Variants in IQCB1 observed in about 807,000 individuals in gnomAD.
The protein encoded by IQCB1 is IQ motif containing B1.
IQCB1 carries 56 observed loss-of-function variants against 84.4 expected under a neutral mutation model. The ratio of observed to expected loss-of-function variants is 0.66; its 90% CI spans 0.54 to 0.83. IQCB1 has a LOEUF of 0.83. IQCB1 is among the 40% of genes least tolerant of loss of function. IQCB1 has a pLI of 0.00. For synonymous variants in IQCB1, 210 were observed against 234.8 expected, an observed-to-expected ratio of 0.89 and a Z score of 0.96; for missense variants, 629 against 682.1, an observed-to-expected ratio of 0.92 and a Z score of 0.87.
chr3:121,815,512 C>A (rs968980557), intron 5 of IQCB1, among the ~76,000 whole-genome samples: 1 of 152,146 alleles, frequency 6.6e-6, no homozygotes, highest in African/African-American at 2.4e-5. Flanking sequence ...AAAACCCCAT[C>A]GTCTCAGCCC....
chr3:121,807,556 G>A (rs1949652029), intron 6 of IQCB1, 113 bp from the exon 7 acceptor site: 2 of 634,506 alleles, frequency 3.2e-6, no homozygotes, highest in Admixed American at 5.2e-5. Context: ...TAAACTTTCT[G>A]ACTTTGTAGA....
intron 5 of IQCB1, among the ~76,000 whole-genome samples, chr3:121,825,664 T>C (rs540039233): frequency 1.6e-4 from 24 of 152,342 alleles, no homozygotes; most frequent in Admixed American, 6.5e-4. Context: ...CTGGAGAAGA[T>C]ATGAGAGATC....
intron 5 of IQCB1, among the ~76,000 whole-genome samples, chr3:121,809,292 T>C (rs1049547504): frequency 1.3e-5 from 2 of 152,016 alleles, no homozygotes; most frequent in East Asian, 1.9e-4. Flanking sequence ...ATACTTGCTA[T>C]GCATCAGAAT....
chr3:121,817,475 C>T (rs1950113765), intron 5 of IQCB1, among the ~76,000 whole-genome samples: 1 of 151,930 alleles, frequency 6.6e-6, no homozygotes, highest in African/African-American at 2.4e-5. Flanking sequence ...AACAGTATTT[C>T]TTATACTCAA....
At chr3:121,801,939 A>G (rs1949424593) in intron 7 of IQCB1, among the ~76,000 whole-genome samples, 2 of 151,386 alleles carry the variant, frequency 1.3e-5, no homozygotes, top group South Asian at 4.2e-4. Context: ...AGTTACAATG[A>G]CTGACTTCAG....
intron 12 of IQCB1, among the ~76,000 whole-genome samples, chr3:121,783,484 G>T (rs942368541): frequency 6.6e-6 from 1 of 152,010 alleles, no homozygotes; most frequent in Non-Finnish European, 1.5e-5. Context: ...GAACAATATA[G>T]TACACTATAA....
At chr3:121,788,466 C>T (rs1317595374) in intron 11 of IQCB1, 34 bp from the exon 12 acceptor site, 1 of 1,585,290 alleles carries the variant, frequency 6.3e-7, no homozygotes, top group South Asian at 1.1e-5. Context: ...ACAACATACT[C>T]ACTGCCATGC....
intron 5 of IQCB1, among the ~76,000 whole-genome samples, chr3:121,823,473 A>G (rs1352282166): frequency 3.9e-5 from 6 of 152,218 alleles, no homozygotes; most frequent in Non-Finnish European, 8.8e-5. Flanking sequence ...AAAAGGTGCA[A>G]TATGTATAGG....
At chr3:121,796,217 G>GA (rs1362525695) in intron 9 of IQCB1, among the ~76,000 whole-genome samples, 1 of 151,954 alleles carries the variant, frequency 6.6e-6, no homozygotes, top group Non-Finnish European at 1.5e-5. Flanking sequence ...CATATATACA[G>GA]AAAAAAGGAA....
At chr3:121,829,714 AG>A (rs1337913311) in intron 2 of IQCB1, among the ~76,000 whole-genome samples, 1 of 152,198 alleles carries the variant, frequency 6.6e-6, no homozygotes, top group Non-Finnish European at 1.5e-5. Context: ...AGAACTCAGA[AG>A]TTTGTACCTG....
At chr3:121,784,831 G>A (rs1948641891) in intron 12 of IQCB1, among the ~76,000 whole-genome samples, 1 of 151,970 alleles carries the variant, frequency 6.6e-6, no homozygotes, top group Non-Finnish European at 1.5e-5. Context: ...ACAGGTATGT[G>A]CCACCAAGCC....
intron 14 of IQCB1, 82 bp downstream of exon 14, chr3:121,772,475 G>A: frequency 7.2e-7 from 1 of 1,394,360 alleles, no homozygotes; most frequent in Non-Finnish European, 1.0e-6. Flanking sequence ...GCTTAGTAAT[G>A]GTTTCCTTCT....
intron 7 of IQCB1, among the ~76,000 whole-genome samples, chr3:121,804,097 C>T (rs4257594): frequency 0.64 from 97,678 of 151,698 alleles, 31,923 homozygotes; most frequent in African/African-American, 0.72. Context: ...ATTTTCTTCA[C>T]TGCTTTGAGG....
chr3:121,832,295 T>G (rs1011724885), intron 2 of IQCB1, among the ~76,000 whole-genome samples: 7 of 151,872 alleles, frequency 4.6e-5, no homozygotes, highest in African/African-American at 1.7e-4. Context: ...TTTTTTTAAA[T>G]TTGACTATGG....
At chr3:121,831,517 C>G (rs1054700917) in intron 2 of IQCB1, among the ~76,000 whole-genome samples, 1 of 152,130 alleles carries the variant, frequency 6.6e-6, no homozygotes, top group African/African-American at 2.4e-5. Flanking sequence ...GTCAGAAGCA[C>G]AGGTAAAACA....
chr3:121,823,921 CA>C (rs1950360570), intron 5 of IQCB1, among the ~76,000 whole-genome samples: 1 of 151,912 alleles, frequency 6.6e-6, no homozygotes, highest in South Asian at 2.1e-4. Flanking sequence ...GACAAAATAG[CA>C]CAAAAGATAG....
At position 121,825,785 on chromosome 3, in the gene IQCB1, A is replaced by C. The variant is rs368018257; in HGVS notation, c.393+266T>G. ...ATTTAAGTAAAAAGTATGTTTAGAA[A>C]GATGTTATGGAAATAATTGTCTATG... On this transcript the variant is annotated intron_variant, in intron 5 of 14. Coordinates refer to ENST00000310864, the MANE Select transcript of IQCB1 (RefSeq NM_001023570.4). Among the ~76,000 whole-genome samples, 389 of 152,342 alleles carry C rather than the reference A, an allele frequency of 2.6e-3. 12 individuals are homozygous for C. The South Asian group carries it at 0.065, about 25-fold the overall frequency.
chr3:121,782,687 T>C (rs1321815794), intron 12 of IQCB1, among the ~76,000 whole-genome samples: 1 of 150,964 alleles, frequency 6.6e-6, no homozygotes, highest in Non-Finnish European at 1.5e-5. Context: ...AAATAACATT[T>C]TTTTTTTTTT....
chr3:121,830,969 T>C (rs1305642850), intron 2 of IQCB1, among the ~76,000 whole-genome samples: 1 of 152,190 alleles, frequency 6.6e-6, no homozygotes, highest in Non-Finnish European at 1.5e-5. Context: ...TCCAATCACA[T>C]TTCCAAAATG....
Sources: gnomAD v4.1 joint callset for allele counts (sites outside exome capture counted in the v4.1 genomes callset) on GRCh38, gnomAD v4.1.1 for gene constraint, MANE v1.5 for transcripts, NCBI Gene and HGNC (gene_info 2026-07-23, HGNC 2026-07-21) for gene names.